Variants in WNT7A observed in about 807,000 individuals in gnomAD.
WNT7A encodes Wnt family member 7A.
A neutral mutation model predicts 28.2 loss-of-function variants in WNT7A; 16 were observed. That is an observed-to-expected ratio of 0.57 (90% CI 0.38 to 0.86). WNT7A has a LOEUF of 0.86. WNT7A is among the 40% of genes least tolerant of loss of function. The pLI is 0.00. For missense variants in WNT7A, 411 were observed against 489.7 expected (o/e 0.84, Z 1.52); for synonymous variants, 190 against 195.9 (o/e 0.97, Z 0.25).
At chr3:13,862,123 G>A (rs1228390435) in intron 2 of WNT7A, among the ~76,000 whole-genome samples, 3 of 152,250 alleles carry the variant, frequency 2.0e-5, no homozygotes, top group Non-Finnish European at 4.4e-5. Context: ...GAACCCTTAG[G>A]AGGACATTGC....
intron 3 of WNT7A, among the ~76,000 whole-genome samples, chr3:13,820,435 T>G (rs975912588): frequency 5.3e-5 from 8 of 150,488 alleles, no homozygotes; most frequent in Admixed American, 2.0e-4. Flanking sequence ...GAGGCTAAAC[T>G]AAGTCTCAGA....
chr3:13,823,569 G>C (rs559787146), intron 3 of WNT7A, among the ~76,000 whole-genome samples: 1 of 152,262 alleles, frequency 6.6e-6, no homozygotes, highest in East Asian at 1.9e-4. Context: ...GCAAAGGTGG[G>C]GGACAATCAA....
At chr3:13,854,117 C>T (rs1250562519) in intron 3 of WNT7A, among the ~76,000 whole-genome samples, 1 of 150,898 alleles carries the variant, frequency 6.6e-6, no homozygotes, top group Non-Finnish European at 1.5e-5. Flanking sequence ...GAGGCTCTGA[C>T]ACACAGGATG....
chr3:13,858,352 G>A (rs1298227901), intron 2 of WNT7A, among the ~76,000 whole-genome samples: 1 of 152,230 alleles, frequency 6.6e-6, no homozygotes, highest in Non-Finnish European at 1.5e-5. Context: ...GGAGGCAGAG[G>A]AGGGGGCTGT....
At chr3:13,843,326 C>T (rs1056746630) in intron 3 of WNT7A, among the ~76,000 whole-genome samples, 2 of 152,164 alleles carry the variant, frequency 1.3e-5, no homozygotes, top group Non-Finnish European at 2.9e-5. Context: ...ACGAGGCACT[C>T]CAGGGGCATT....
rs531393996 is a variant in WNT7A, at chr3:13,838,565, T to C, written c.570+15967A>G. On this transcript the variant is annotated intron_variant, in intron 3 of 3. Transcript: ENST00000285018. ...ACCTAAAAAACCATCTCAGGGCTGC[T>C]GTTGGGGCTGGCTCAGGCAGAGAAC... 2.6e-5 allele frequency among the ~76,000 whole-genome samples: 4 copies of C among 152,234 alleles called. No individual in the cohort carries two copies. In the South Asian group the frequency reaches 8.3e-4, roughly 32 times the overall value.
At chr3:13,824,702 T>C (rs879750146) in intron 3 of WNT7A, among the ~76,000 whole-genome samples, 6 of 152,154 alleles carry the variant, frequency 3.9e-5, no homozygotes, top group Non-Finnish European at 7.3e-5. Flanking sequence ...CTTCCATGCC[T>C]CTTGGCCCTG....
At chr3:13,866,251 C>T (rs1694908443) in intron 2 of WNT7A, among the ~76,000 whole-genome samples, 1 of 152,188 alleles carries the variant, frequency 6.6e-6, no homozygotes, top group Admixed American at 6.5e-5. Flanking sequence ...CACAGAGCTG[C>T]CTTCTGGCCA....
At chr3:13,839,687 C>T (rs927020652) in intron 3 of WNT7A, among the ~76,000 whole-genome samples, 8 of 152,204 alleles carry the variant, frequency 5.3e-5, no homozygotes, top group Non-Finnish European at 1.0e-4. Context: ...CGACCCCTTC[C>T]CCACTCTACC....
intron 3 of WNT7A, among the ~76,000 whole-genome samples, chr3:13,840,614 A>ATCCT (rs1365819043): frequency 6.6e-6 from 1 of 151,798 alleles, no homozygotes; most frequent in South Asian, 2.1e-4. Context: ...CCATCCATCC[A>ATCCT]TCCATCCATC....
intron 2 of WNT7A, among the ~76,000 whole-genome samples, chr3:13,869,020 A>G (rs201133392): frequency 8.2e-5 from 10 of 121,836 alleles, no homozygotes; most frequent in African/African-American, 2.8e-4. Context: ...GAGAGAGAGA[A>G]AGAGAGAAAG....
At chr3:13,847,106 C>T (rs1233103101) in intron 3 of WNT7A, among the ~76,000 whole-genome samples, 1 of 152,218 alleles carries the variant, frequency 6.6e-6, no homozygotes, top group Admixed American at 6.5e-5. Context: ...TGGGCTCTGC[C>T]CTCGCTGTGT....
chr3:13,829,500 G>T (rs963460431), intron 3 of WNT7A, among the ~76,000 whole-genome samples: 2 of 152,192 alleles, frequency 1.3e-5, no homozygotes, highest in African/African-American at 4.8e-5. Context: ...TTGAGCAGTG[G>T]ATGCTGGGAT....
At chr3:13,835,669 C>T (rs777281403) in intron 3 of WNT7A, among the ~76,000 whole-genome samples, 1 of 152,220 alleles carries the variant, frequency 6.6e-6, no homozygotes, top group African/African-American at 2.4e-5. Flanking sequence ...GACCTCCCCA[C>T]GAGGCTGGGG....
chr3:13,834,918 C>T (rs1030116278), intron 3 of WNT7A, among the ~76,000 whole-genome samples: 1 of 152,270 alleles, frequency 6.6e-6, no homozygotes, highest in African/African-American at 2.4e-5. Flanking sequence ...TCCCCAGCAG[C>T]TAGACCAGGA....
chr3:13,857,978 C>T (rs1057080825), intron 2 of WNT7A, among the ~76,000 whole-genome samples: 1 of 152,200 alleles, frequency 6.6e-6, no homozygotes, highest in African/African-American at 2.4e-5. Context: ...CAATTCTTAT[C>T]TATGATGGAG....
chr3:13,851,780 T>A (rs1237965754), intron 3 of WNT7A, among the ~76,000 whole-genome samples: 1 of 152,156 alleles, frequency 6.6e-6, no homozygotes, highest in South Asian at 2.1e-4. Flanking sequence ...TCCTCCCAAC[T>A]GAGGAGCCTA....
intron 1 of WNT7A, among the ~76,000 whole-genome samples, chr3:13,879,107 T>C (rs1695164173): frequency 6.6e-6 from 1 of 152,176 alleles, no homozygotes; most frequent in African/African-American, 2.4e-5. Flanking sequence ...GTGTGTTTGT[T>C]GGGGGTGGGA....
chr3:13,856,077 C>T (rs1027922473), intron 2 of WNT7A, among the ~76,000 whole-genome samples: 1 of 151,986 alleles, frequency 6.6e-6, no homozygotes, highest in Non-Finnish European at 1.5e-5. Flanking sequence ...TCGCTGCCCT[C>T]CCACCCTGCA....
Sources: gnomAD v4.1 joint callset for allele counts (sites outside exome capture counted in the v4.1 genomes callset) on GRCh38, gnomAD v4.1.1 for gene constraint, MANE v1.5 for transcripts, NCBI Gene and HGNC (gene_info 2026-07-23, HGNC 2026-07-21) for gene names.